JPH3: variants seen among roughly 807,000 people sequenced by gnomAD.
JPH3 encodes junctophilin 3, also known as junctophilin-3.
Under a neutral mutation model 59.6 loss-of-function variants are expected in JPH3, and 11 were observed. That is an observed-to-expected ratio of 0.18 (90% confidence interval 0.12 to 0.31). The LOEUF (loss-of-function observed/expected upper bound fraction) is 0.31. Ranked by LOEUF, JPH3 falls within the 10% of genes least tolerant of loss-of-function variation. JPH3 has a pLI of 1.00. For synonymous variants in JPH3, 673 were observed against 483.6 expected (o/e 1.39, Z -5.14); for missense variants, 1,202 against 1,105.7 (o/e 1.09, Z -1.24).
At chr16:87,663,522 A>T (rs141745746) in intron 2 of JPH3, among the ~76,000 whole-genome samples, 40 of 152,312 alleles carry the variant, frequency 2.6e-4, no homozygotes, top group African/African-American at 8.7e-4. Flanking sequence ...AGATAACACA[A>T]GTTTCCCGTT....
chr16:87,678,229 A>G (rs558931723), intron 2 of JPH3, among the ~76,000 whole-genome samples: 3 of 152,000 alleles, frequency 2.0e-5, no homozygotes, highest in East Asian at 3.9e-4. Context: ...TGACAAAGGG[A>G]GACCCTGTCT....
At chr16:87,639,198 T>G (rs571211152) in intron 1 of JPH3, among the ~76,000 whole-genome samples, 35 of 152,300 alleles carry the variant, frequency 2.3e-4, no homozygotes, top group African/African-American at 8.4e-4. Context: ...CCCTGTGATC[T>G]GCACAGCCGC....
At position 87,606,725 on chromosome 16, in the gene JPH3, G is replaced by A. The variant is rs75636812; in HGVS notation, c.382+3197G>A. ...TAGTAAGCATACATTATTATTTACC[G>A]TTAGTTTTTTCATTACAGTTTCCAG... On this transcript the variant is annotated intron_variant, in intron 1 of 4. Coordinates refer to ENST00000284262, the MANE Select transcript of JPH3 (RefSeq NM_020655.4). Among the ~76,000 whole-genome samples, 1,350 of 152,232 alleles carry A rather than the reference G, an allele frequency of 8.9e-3. 15 individuals are homozygous for A. The highest frequency in any genetic ancestry group is 0.014 in the Non-Finnish European group (951 of 68,026).
intron 1 of JPH3, among the ~76,000 whole-genome samples, chr16:87,640,473 C>G (rs1312808626): frequency 1.3e-5 from 2 of 151,854 alleles, no homozygotes; most frequent in African/African-American, 2.4e-5. Flanking sequence ...TCACTGTAAC[C>G]TCCACCTCCC....
chr16:87,632,080 G>A lies in JPH3; in HGVS notation c.383-12178G>A, dbSNP rs374152568. Among the ~76,000 whole-genome samples, 51 of 152,266 alleles carry A rather than the reference G, an allele frequency of 3.3e-4. 1 individual carries two copies. The highest frequency in any genetic ancestry group is 2.7e-3 in the East Asian group (14 of 5,184). ...CCGTTGACTGTTCATATATTAAAGTGAGGTACGAAAAAGCTGAGTGGAAAC... is the reference window on the plus strand; with the variant it reads ...CCGTTGACTGTTCATATATTAAAGTAAGGTACGAAAAAGCTGAGTGGAAAC... On this transcript the variant is annotated intron_variant, in intron 1 of 4. Coordinates refer to ENST00000284262, the MANE Select transcript of JPH3 (RefSeq NM_020655.4).
chr16:87,687,656 A>AC (rs2142830023), intron 3 of JPH3, among the ~76,000 whole-genome samples: 1 of 152,240 alleles, frequency 6.6e-6, no homozygotes, highest in South Asian at 2.1e-4. Flanking sequence ...CTTCACGAGG[A>AC]CCCGCCCTGC....
Position 87,634,598 on chromosome 16 carries a change from G to A in JPH3, c.383-9660G>A, listed in dbSNP as rs149383982. 2.5e-4 allele frequency among the ~76,000 whole-genome samples: 38 copies of A among 152,336 alleles called. 1 individual carries two copies. In the East Asian group the frequency reaches 6.9e-3, roughly 28 times the overall value. On this transcript the variant is annotated intron_variant, in intron 1 of 4. Coordinates refer to ENST00000284262, the MANE Select transcript of JPH3 (RefSeq NM_020655.4). ...CAGAGCCACCACCTTGGGCTCCCCT[G>A]CCCCAGGCCCAGGCTGGTGGATCTA...
chr16:87,651,646 G>A lies in JPH3; in HGVS notation c.1160+6611G>A, dbSNP rs370782167. Among the ~76,000 whole-genome samples the A allele has an allele frequency of 1.5e-3, 228 of 152,374 alleles. 1 individual carries two copies. Among genetic ancestry groups the A allele is most frequent in the African/African-American group, 5.1e-3 (212 of 41,590 alleles). ...TAGCAAGAGAACTGGAATTAGAAGCGGAGCCTGCCGATGGGACTGCATTGC... is the reference window on the plus strand; with the variant it reads ...TAGCAAGAGAACTGGAATTAGAAGCAGAGCCTGCCGATGGGACTGCATTGC... On this transcript the variant is annotated intron_variant, in intron 2 of 4. Coordinates refer to ENST00000284262, the MANE Select transcript of JPH3 (RefSeq NM_020655.4).
chr16:87,656,849 T>C (rs1214681699), intron 2 of JPH3, among the ~76,000 whole-genome samples: 1 of 152,094 alleles, frequency 6.6e-6, no homozygotes, highest in African/African-American at 2.4e-5. Flanking sequence ...AACTGGACAG[T>C]CCAAATGCAT....
chr16:87,661,675 G>A (rs1163119344), intron 2 of JPH3, among the ~76,000 whole-genome samples: 1 of 152,246 alleles, frequency 6.6e-6, no homozygotes, highest in African/African-American at 2.4e-5. Flanking sequence ...TCACGGGACA[G>A]CCCTGTCCAA....
chr16:87,623,839 C>G (rs752683462), intron 1 of JPH3, among the ~76,000 whole-genome samples: 2 of 152,256 alleles, frequency 1.3e-5, no homozygotes, highest in Non-Finnish European at 2.9e-5. Flanking sequence ...CTGGGGACCA[C>G]ATGCCCAGCT....
intron 2 of JPH3, among the ~76,000 whole-genome samples, chr16:87,645,508 C>T (rs931356121): frequency 6.6e-6 from 1 of 152,170 alleles, no homozygotes; most frequent in Non-Finnish European, 1.5e-5. Flanking sequence ...TTCCGGGACC[C>T]TGGGAGATGG....
chr16:87,644,022 C>A (rs553153755), intron 1 of JPH3, among the ~76,000 whole-genome samples: 1 of 152,364 alleles, frequency 6.6e-6, no homozygotes, highest in African/African-American at 2.4e-5. Context: ...CCTGTAGTCC[C>A]AGCTGCGCAG....
At chr16:87,653,041 G>A (rs143104326) in intron 2 of JPH3, among the ~76,000 whole-genome samples, 1 of 152,074 alleles carries the variant, frequency 6.6e-6, no homozygotes, top group East Asian at 1.9e-4. Flanking sequence ...GGAGGGCAGT[G>A]CGTGGTCTCC....
chr16:87,656,499 T>G (rs1180329228), intron 2 of JPH3, among the ~76,000 whole-genome samples: 1 of 152,100 alleles, frequency 6.6e-6, no homozygotes, highest in Non-Finnish European at 1.5e-5. Flanking sequence ...ATTACGGAGT[T>G]CATATGAGGG....
intron 2 of JPH3, among the ~76,000 whole-genome samples, chr16:87,660,717 A>C (rs1434085837): frequency 6.6e-6 from 1 of 152,158 alleles, no homozygotes; most frequent in Admixed American, 6.5e-5. Flanking sequence ...ACCCCCAATC[A>C]CACTGTCATA....
At chr16:87,663,875 A>G (rs550264039) in intron 2 of JPH3, among the ~76,000 whole-genome samples, 6 of 149,446 alleles carry the variant, frequency 4.0e-5, no homozygotes, top group African/African-American at 1.5e-4. Flanking sequence ...CCTTTCCCTA[A>G]CCCCATTCCC....
At chr16:87,628,366 C>T (rs539396176) in intron 1 of JPH3, among the ~76,000 whole-genome samples, 49 of 152,356 alleles carry the variant, frequency 3.2e-4, no homozygotes, top group African/African-American at 1.0e-3. Context: ...CCCTAGCTGC[C>T]GCACTTCAGA....
intron 3 of JPH3, among the ~76,000 whole-genome samples, chr16:87,688,007 C>T (rs1228341910): frequency 2.0e-5 from 3 of 152,172 alleles, no homozygotes; most frequent in South Asian, 2.1e-4. Context: ...GGCTGCCCTC[C>T]ACACAGGACC....
Sources: allele counts gnomAD v4.1 joint callset (sites outside exome capture counted in the v4.1 genomes callset), GRCh38; gene constraint gnomAD v4.1.1; transcripts MANE v1.5; gene names NCBI Gene and HGNC (gene_info 2026-07-23, HGNC 2026-07-21).